Variants in KANSL1L observed in about 807,000 individuals in gnomAD.
KANSL1L encodes KAT8 regulatory NSL complex subunit 1-like protein.
Under a neutral mutation model 108.6 loss-of-function variants are expected in KANSL1L, and 25 were observed. The ratio of observed to expected loss-of-function variants is 0.23; its 90% CI spans 0.17 to 0.32. The LOEUF (loss-of-function observed/expected upper bound fraction) is 0.32, where lower values mean the gene tolerates loss of function less well. Among genes scored for constraint, KANSL1L ranks in the 10% least tolerant of loss-of-function variants. The probability of loss-of-function intolerance (pLI) is 1.00; values close to 1 mark genes in which losing one functional copy is unlikely to be tolerated. For synonymous variants in KANSL1L, 405 were observed against 395.1 expected (o/e 1.03, Z -0.30); for missense variants, 1,137 against 1,125.7 (o/e 1.01, Z -0.14).
At chr2:210,112,270 G>C (rs1030746089) in intron 3 of KANSL1L, among the ~76,000 whole-genome samples, 8 of 152,124 alleles carry the variant, frequency 5.3e-5, no homozygotes, top group Non-Finnish European at 1.0e-4. Flanking sequence ...AATAAATGGT[G>C]CTGGGAAAAC....
chr2:210,077,577 G>A (rs563790712), intron 5 of KANSL1L, among the ~76,000 whole-genome samples: 24 of 152,222 alleles, frequency 1.6e-4, no homozygotes, highest in African/African-American at 5.8e-4. Flanking sequence ...GTCAGGAGAT[G>A]TAGGATCCAG....
At chr2:210,065,153 TGTG>T (rs985128056) in intron 6 of KANSL1L, among the ~76,000 whole-genome samples, 8 of 151,028 alleles carry the variant, frequency 5.3e-5, no homozygotes, top group Non-Finnish European at 1.2e-4. Flanking sequence ...AACAGCCCTG[TGTG>T]GTGGTGGTGC....
Position 210,029,938 on chromosome 2 carries a change from T to A in KANSL1L, c.2156-20A>T. ...TTTCTCCTGCCATGGAAAGAACCAT[T>A]GAATGTTACACATTAAACAAGTCTA... On this transcript the variant is annotated intron_variant, in intron 9 of 14. Coordinates refer to ENST00000281772, the MANE Select transcript of KANSL1L (RefSeq NM_152519.4). The A allele has an allele frequency of 8.1e-7, 1 of 1,227,504 alleles. No individual in the cohort carries two copies. Among genetic ancestry groups the A allele is most frequent in the Non-Finnish European group, 1.2e-6 (1 of 835,186 alleles). 76.0% of individuals were successfully genotyped at this position (1,227,504 alleles called of 1,614,324 possible).
chr2:210,119,115 C>T (rs1011121734), intron 3 of KANSL1L, among the ~76,000 whole-genome samples: 3 of 151,186 alleles, frequency 2.0e-5, no homozygotes, highest in African/African-American at 4.9e-5. Flanking sequence ...ACCTGGGAGG[C>T]GGAGGTTGCA....
At chr2:210,117,934 C>T (rs2094970845) in intron 3 of KANSL1L, among the ~76,000 whole-genome samples, 1 of 152,040 alleles carries the variant, frequency 6.6e-6, no homozygotes, top group Non-Finnish European at 1.5e-5. Flanking sequence ...GAGGCCGAGA[C>T]AGGTGGATCA....
chr2:210,148,725 A>G (rs2095282410), intron 2 of KANSL1L, among the ~76,000 whole-genome samples: 1 of 152,146 alleles, frequency 6.6e-6, no homozygotes, highest in South Asian at 2.1e-4. Context: ...TTTTTGGAGG[A>G]AAAGTAACAA....
chr2:210,101,955 G>A (rs77537664), intron 4 of KANSL1L, among the ~76,000 whole-genome samples: 2,568 of 152,298 alleles, frequency 0.017, 80 homozygotes, highest in African/African-American at 0.059. Flanking sequence ...CAACTATGGT[G>A]AAGAATGGCT....
intron 3 of KANSL1L, among the ~76,000 whole-genome samples, chr2:210,106,817 A>G (rs1374258181): frequency 6.6e-6 from 1 of 151,936 alleles, no homozygotes; most frequent in Non-Finnish European, 1.5e-5. Context: ...AGTCAACTTC[A>G]TAATCTGTTT....
rs1388005990 is a variant in KANSL1L, at chr2:210,023,177, A to C, written c.2736T>G (p.Ser912=). The change falls in exon 15 of 15, where the codon TCT becomes TCG. Residue 912 remains serine, a splice_region_variant and synonymous_variant. Transcript: ENST00000281772. ...PSLNQSQETK[S]LWWERRAFPL... Reference sequence around the variant, plus strand: ...GAAAAGCCCGTCGTTCCCACCACAAAGACTGAAAGGGGAAAAATTTTCAGT... The same window carrying C: ...GAAAAGCCCGTCGTTCCCACCACAACGACTGAAAGGGGAAAAATTTTCAGT... 1 of 1,613,008 alleles carries C rather than the reference A, an allele frequency of 6.2e-7. No homozygotes were observed. Among genetic ancestry groups the C allele is most frequent in the African/African-American group, 1.3e-5 (1 of 74,878 alleles).
At chr2:210,118,323 C>T (rs1490659922) in intron 3 of KANSL1L, among the ~76,000 whole-genome samples, 2 of 151,140 alleles carry the variant, frequency 1.3e-5, no homozygotes, top group African/African-American at 4.9e-5. Flanking sequence ...ATAAAATTAG[C>T]CAGGCATGGT....
intron 6 of KANSL1L, among the ~76,000 whole-genome samples, chr2:210,068,875 T>C (rs1035626452): frequency 2.0e-5 from 3 of 152,222 alleles, no homozygotes; most frequent in African/African-American, 4.8e-5. Flanking sequence ...TCTGCTTAGA[T>C]GATTGATTGG....
intron 3 of KANSL1L, among the ~76,000 whole-genome samples, chr2:210,107,104 A>G (rs924705642): frequency 1.3e-5 from 2 of 152,232 alleles, no homozygotes; most frequent in Non-Finnish European, 2.9e-5. Flanking sequence ...AAAGCAAATC[A>G]ACTGTTTCTG....
rs200690858 is a variant in KANSL1L, at chr2:210,052,206, GT to G, written c.1756-8103del. ...TTCTGTAGAGACAGTATCTCACTATGTTGCCTAGGCTGGTTTTAACTCCTGG... is the reference window on the plus strand; with the variant it reads ...TTCTGTAGAGACAGTATCTCACTATGTGCCTAGGCTGGTTTTAACTCCTGG... On this transcript the variant is annotated intron_variant, in intron 6 of 14. Transcript: ENST00000281772. Among the ~76,000 whole-genome samples, 1,218 of 151,948 alleles carry G rather than the reference GT, an allele frequency of 8.0e-3. 18 individuals are homozygous for G. Among genetic ancestry groups the G allele is most frequent in the African/African-American group, 0.028 (1,147 of 41,458 alleles).
intron 1 of KANSL1L, among the ~76,000 whole-genome samples, chr2:210,162,229 T>TATATAC (rs1292822526): frequency 7.1e-6 from 1 of 141,792 alleles, no homozygotes; most frequent in Non-Finnish European, 1.5e-5. Context: ...CAGGTATATA[T>TATATAC]ATATATATAT....
chr2:210,152,658 T>C (rs1011520620), intron 2 of KANSL1L: 1 of 152,234 alleles, frequency 6.6e-6, no homozygotes, highest in African/African-American at 2.4e-5. Flanking sequence ...AGTTTTGTTT[T>C]AGTTATACTA....
At chr2:210,027,808 T>G (rs1160589028) in intron 11 of KANSL1L, among the ~76,000 whole-genome samples, 3 of 152,226 alleles carry the variant, frequency 2.0e-5, no homozygotes, top group African/African-American at 7.2e-5. Flanking sequence ...AGCTCCAGCC[T>G]ACCATTGCAA....
intron 8 of KANSL1L, among the ~76,000 whole-genome samples, chr2:210,033,683 C>G (rs1437672125): frequency 2.1e-5 from 3 of 144,220 alleles, no homozygotes; most frequent in Non-Finnish European, 3.0e-5. Context: ...GTGGCTGCCA[C>G]CACGCCCGGC....
intron 6 of KANSL1L, among the ~76,000 whole-genome samples, chr2:210,068,748 G>T (rs1012149127): frequency 1.3e-5 from 2 of 152,092 alleles, no homozygotes; most frequent in African/African-American, 4.8e-5. Context: ...GTTGCTTCAG[G>T]TATAAAATTC....
At chr2:210,042,866 C>T (rs1354213161) in intron 7 of KANSL1L, among the ~76,000 whole-genome samples, 2 of 152,090 alleles carry the variant, frequency 1.3e-5, no homozygotes, top group Non-Finnish European at 2.9e-5. Context: ...AATTGAGATT[C>T]AGGGCAGGGA....
Sources: gnomAD v4.1 joint callset for allele counts (sites outside exome capture counted in the v4.1 genomes callset) on GRCh38, gnomAD v4.1.1 for gene constraint, MANE v1.5 for transcripts, NCBI Gene and HGNC (gene_info 2026-07-23, HGNC 2026-07-21) for gene names.